The following TTLL11 variants were observed in gnomAD, a reference collection of about 807,000 sequenced individuals.
The protein encoded by TTLL11 is tubulin polyglutamylase TTLL11.
A neutral mutation model predicts 51.7 loss-of-function variants in TTLL11; 42 were observed. The observed-to-expected ratio is 0.81, with a 90% CI of 0.64 to 1.05. TTLL11 has a LOEUF of 1.05. Among genes scored for constraint, TTLL11 ranks in the 50% least tolerant of loss-of-function variants. The pLI is 0.00. For missense variants in TTLL11, 799 were observed against 940.4 expected (o/e 0.85, Z 1.97); for synonymous variants, 381 against 383.5 (o/e 0.99, Z 0.08).
chr9:121,868,094 C>T (rs12552668), intron 7 of TTLL11, among the ~76,000 whole-genome samples: 17,835 of 152,066 alleles, frequency 0.12, 1,093 homozygotes, highest in Admixed American at 0.14. Flanking sequence ...GGTGTGAAGG[C>T]TGGGGAGGGC....
intron 6 of TTLL11, among the ~76,000 whole-genome samples, chr9:121,877,492 C>G (rs928124163): frequency 2.6e-5 from 4 of 152,108 alleles, no homozygotes; most frequent in African/African-American, 4.8e-5. Context: ...CCAAGTCCCT[C>G]TAAGACCTAG....
Position 121,866,804 on chromosome 9 carries a change from T to C in TTLL11, c.1733+3693A>G, listed in dbSNP as rs1280406354. Among the ~76,000 whole-genome samples, 12 of 152,134 alleles carry C rather than the reference T, an allele frequency of 7.9e-5. No homozygotes were observed. The South Asian group carries it at 2.5e-3, about 32-fold the overall frequency. On this transcript the variant is annotated intron_variant, in intron 7 of 8. Coordinates refer to ENST00000321582, the MANE Select transcript of TTLL11 (RefSeq NM_001139442.2). ...AGCAGGGAGAGGGGCTCAGTCTGAG[T>C]TCCTGTGCACTGGCTGCCTGGTCCC... is the stretch of plus-strand genomic sequence containing the variant.
chr9:121,824,564 G>T (rs137880058), intron 8 of TTLL11, among the ~76,000 whole-genome samples: 133 of 151,308 alleles, frequency 8.8e-4, no homozygotes, highest in Middle Eastern at 6.9e-3. Context: ...GGGAAGAGTG[G>T]CCTGGAAATT....
chr9:121,998,711 T>C (rs1324132933), intron 3 of TTLL11, among the ~76,000 whole-genome samples: 1 of 152,174 alleles, frequency 6.6e-6, no homozygotes, highest in African/African-American at 2.4e-5. Flanking sequence ...TATTGAGCAA[T>C]TGCAGTATTG....
chr9:121,981,346 C>T (rs1384469000), intron 4 of TTLL11, among the ~76,000 whole-genome samples: 1 of 152,120 alleles, frequency 6.6e-6, no homozygotes, highest in Non-Finnish European at 1.5e-5. Flanking sequence ...CTGTTAATCA[C>T]ATCCAGTGAT....
At chr9:121,938,242 T>C (rs1841304342) in intron 6 of TTLL11, among the ~76,000 whole-genome samples, 1 of 146,028 alleles carries the variant, frequency 6.8e-6, no homozygotes, top group Non-Finnish European at 1.5e-5. Context: ...TGAGCCAAGA[T>C]TGCACCACCA....
intron 4 of TTLL11, among the ~76,000 whole-genome samples, chr9:121,978,817 C>T (rs974309025): frequency 3.3e-5 from 5 of 152,128 alleles, no homozygotes; most frequent in Non-Finnish European, 5.9e-5. Flanking sequence ...TCCTGAGCCC[C>T]ACGCCTACCC....
At chr9:121,914,604 CT>C (rs1156410064) in intron 6 of TTLL11, among the ~76,000 whole-genome samples, 1 of 152,182 alleles carries the variant, frequency 6.6e-6, no homozygotes, top group East Asian at 1.9e-4. Context: ...TCACTCAGGC[CT>C]TCCTGGGCGT....
intron 3 of TTLL11, among the ~76,000 whole-genome samples, chr9:122,015,807 CAAAAA>C (rs11297849): frequency 1.1e-5 from 1 of 94,494 alleles, no homozygotes; most frequent in African/African-American, 3.7e-5. Context: ...TCAAAAGAGA[CAAAAA>C]AAAAAAAAAA....
chr9:121,820,906 G>A lies in TTLL11; in HGVS notation c.*1681C>T, dbSNP rs1011961359. Among the ~76,000 whole-genome samples the A allele has an allele frequency of 1.3e-5, 2 of 151,618 alleles. No homozygotes were observed. The highest frequency in any genetic ancestry group is 2.9e-5 in the Non-Finnish European group (2 of 67,920). On this transcript the variant is annotated 3_prime_UTR_variant, in exon 9 of 9. Coordinates refer to ENST00000321582, the MANE Select transcript of TTLL11 (RefSeq NM_001139442.2). ...AGTTCCACGGCCCCTCTAGGCTGGG[G>A]AAGGGCAGCGGCCTTTGGGCTCTGC...
intron 1 of TTLL11, among the ~76,000 whole-genome samples, chr9:122,070,732 A>G (rs1338265114): frequency 1.3e-5 from 2 of 152,152 alleles, no homozygotes; most frequent in African/African-American, 2.4e-5. Flanking sequence ...TCCCCTCCTC[A>G]GGGCAGGAAG....
intron 6 of TTLL11, among the ~76,000 whole-genome samples, chr9:121,887,511 C>T (rs1224621685): frequency 1.3e-5 from 2 of 152,200 alleles, no homozygotes; most frequent in East Asian, 1.9e-4. Context: ...CTAGGAATCG[C>T]GATGCCAGTG....
intron 3 of TTLL11, among the ~76,000 whole-genome samples, chr9:121,996,532 G>A (rs912971478): frequency 3.3e-5 from 5 of 152,080 alleles, no homozygotes; most frequent in Non-Finnish European, 5.9e-5. Context: ...ACATGCACAC[G>A]TACACACTTT....
Position 121,988,285 on chromosome 9 carries a change from T to TCTA in TTLL11, c.1269+909_1269+910insTAG, listed in dbSNP as rs1166697652. Among the ~76,000 whole-genome samples the TCTA allele has an allele frequency of 5.3e-5, 8 of 152,178 alleles. 1 individual carries two copies. In the South Asian group the frequency reaches 1.2e-3, roughly 24 times the overall value. ...AGCCTTGTCTCAGTGTGTTCTCTAC[T>TCTA]CTGTAGACACTGTTCTTTGAAACAT... is the stretch of plus-strand genomic sequence containing the variant. On this transcript the variant is annotated intron_variant, in intron 4 of 8. Coordinates refer to ENST00000321582, the MANE Select transcript of TTLL11 (RefSeq NM_001139442.2).
chr9:121,965,656 G>A lies in TTLL11; in HGVS notation c.1481+8353C>T, dbSNP rs149162895. Among the ~76,000 whole-genome samples the A allele has an allele frequency of 5.3e-5, 8 of 152,244 alleles. No homozygotes were observed. The East Asian group carries it at 7.7e-4, about 15-fold the overall frequency. On this transcript the variant is annotated intron_variant, in intron 6 of 8. Transcript: ENST00000321582. ...TGAATGGGCCATTCAGCAGGATAGC[G>A]GATGATTCTTCAGGAAGAATCTATT... is the stretch of plus-strand genomic sequence containing the variant.
In TTLL11 at chr9:122,006,383, G is replaced by C. The variant is rs1843644728; in HGVS notation, c.694-16613C>G. 2.0e-5 allele frequency among the ~76,000 whole-genome samples: 3 copies of C among 150,654 alleles called. No homozygotes were observed. In the South Asian group the frequency reaches 6.4e-4, roughly 32 times the overall value. Reference sequence around the variant, plus strand: ...TATGTAAAGAGAGAAATTACATTTTGCTTTTTTTTTCTGGATTTTTTTTTA... The same window carrying C: ...TATGTAAAGAGAGAAATTACATTTTCCTTTTTTTTTCTGGATTTTTTTTTA... On this transcript the variant is annotated intron_variant, in intron 3 of 8. Coordinates refer to ENST00000321582, the MANE Select transcript of TTLL11 (RefSeq NM_001139442.2).
chr9:122,058,972 C>T (rs375036553), intron 1 of TTLL11, among the ~76,000 whole-genome samples: 2 of 152,080 alleles, frequency 1.3e-5, no homozygotes, highest in African/African-American at 4.8e-5. Flanking sequence ...AGCTAGGCCA[C>T]GTACGGCTTT....
At chr9:121,884,413 A>C (rs1838922686) in intron 6 of TTLL11, among the ~76,000 whole-genome samples, 1 of 152,168 alleles carries the variant, frequency 6.6e-6, no homozygotes, top group Non-Finnish European at 1.5e-5. Context: ...CTGAAGTCAG[A>C]GCTGTCTCTT....
At chr9:121,975,086 C>A in intron 4 of TTLL11, 107 bp from the exon 5 acceptor site, 1 of 783,570 alleles carries the variant, frequency 1.3e-6, no homozygotes, top group South Asian at 2.3e-5. Flanking sequence ...TGGCCTTGAC[C>A]CTGGCTTCTC....
Sources: allele counts gnomAD v4.1 joint callset (sites outside exome capture counted in the v4.1 genomes callset), GRCh38; gene constraint gnomAD v4.1.1; transcripts MANE v1.5; gene names NCBI Gene and HGNC (gene_info 2026-07-23, HGNC 2026-07-21).